Variants in ZNF577 observed in about 807,000 individuals in gnomAD.
The protein encoded by ZNF577 is zinc finger protein 577.
Under a neutral mutation model 13.9 loss-of-function variants are expected in ZNF577, and 14 were observed. The observed-to-expected ratio is 1.00, with a 90% CI of 0.66 to 1.57. The LOEUF is 1.57. ZNF577 is among the 40% of genes most tolerant of loss of function. The pLI, the probability that ZNF577 is intolerant of heterozygous loss-of-function variation, is 0.00. For synonymous variants in ZNF577, 203 were observed against 202.9 expected (o/e 1.00, Z 0.00); for missense variants, 555 against 579.2 (o/e 0.96, Z 0.43).
chr19:51,848,897 C>A (rs1003568881), intron 5 of ZNF577, among the ~76,000 whole-genome samples: 3 of 152,162 alleles, frequency 2.0e-5, no homozygotes, highest in African/African-American at 7.2e-5. Context: ...AATAATGCCT[C>A]TGTCTAGTTT....
chr19:51,848,843 A>C (rs371416858), intron 5 of ZNF577, among the ~76,000 whole-genome samples: 2 of 152,222 alleles, frequency 1.3e-5, no homozygotes, highest in East Asian at 1.9e-4. Flanking sequence ...GGAGTTGTAC[A>C]TCTAAGTTCA....
chr19:51,856,462 G>A (rs1262245161), intron 5 of ZNF577, among the ~76,000 whole-genome samples: 2 of 152,154 alleles, frequency 1.3e-5, no homozygotes. Flanking sequence ...AGAACATCAG[G>A]ATAATGCTAA....
intron 9 of ZNF577, chr19:51,839,839 T>C (rs890871648): frequency 3.9e-5 from 6 of 152,226 alleles, no homozygotes; most frequent in African/African-American, 1.4e-4. Flanking sequence ...CCTCCACAAG[T>C]ACCCCATGCT....
At chr19:51,815,130 G>A (rs2084125930) in intron 9 of ZNF577, among the ~76,000 whole-genome samples, 1 of 152,110 alleles carries the variant, frequency 6.6e-6, no homozygotes, top group Non-Finnish European at 1.5e-5. Flanking sequence ...TGTTAGTGAG[G>A]TTATTTAGGG....
chr19:51,882,192 G>A (rs889381648), intron 1 of ZNF577, among the ~76,000 whole-genome samples: 1 of 152,136 alleles, frequency 6.6e-6, no homozygotes, highest in Non-Finnish European at 1.5e-5. Flanking sequence ...GAATGGGTTG[G>A]AGCTGAGATC....
chr19:51,808,066 GTC>G (rs1568428460), intron 10 of ZNF577, among the ~76,000 whole-genome samples: 1 of 152,230 alleles, frequency 6.6e-6, no homozygotes, highest in Non-Finnish European at 1.5e-5. Flanking sequence ...CATGAGGCAT[GTC>G]TCTGCTGTAA....
intron 1 of ZNF577, among the ~76,000 whole-genome samples, chr19:51,884,042 C>T (rs974102702): frequency 2.0e-5 from 3 of 152,178 alleles, no homozygotes; most frequent in African/African-American, 7.2e-5. Context: ...CCACTGCAGT[C>T]CGGCCTCGGT....
intron 9 of ZNF577, among the ~76,000 whole-genome samples, chr19:51,831,092 T>C (rs13346095): frequency 0.42 from 64,373 of 151,946 alleles, 13,807 homozygotes; most frequent in South Asian, 0.58. Flanking sequence ...GTCCCAAATA[T>C]AAGTAATTAT....
chr19:51,854,496 A>ATTTTTTTT (rs780953746), intron 5 of ZNF577, among the ~76,000 whole-genome samples: 34 of 123,216 alleles, frequency 2.8e-4, no homozygotes, highest in African/African-American at 9.3e-4. Context: ...GCCCAGCTAA[A>ATTTTTTTT]TTTTTTTTTT....
At chr19:51,885,329 C>T (rs2122733398) in intron 1 of ZNF577, among the ~76,000 whole-genome samples, 1 of 152,356 alleles carries the variant, frequency 6.6e-6, no homozygotes, top group South Asian at 2.1e-4. Context: ...TGTCATCTGT[C>T]TGCACCTTTA....
intron 9 of ZNF577, among the ~76,000 whole-genome samples, chr19:51,830,025 T>C (rs1028799709): frequency 6.6e-6 from 1 of 152,180 alleles, no homozygotes; most frequent in Non-Finnish European, 1.5e-5. Flanking sequence ...TTTCTCCTGT[T>C]ATCTTCTAGG....
rs569694820 is a variant in ZNF577 at position 51,873,215 on chromosome 19, T to G, written c.775A>C (p.Arg259=). ...KAFSRKCRLN[R]HQRSHTGEKL... ...TCTCCAGTATGTGATCGCTGATGTC[T>G]ATTGAGCCGGCACTTCCGGCTGAAG... Residue 259 remains arginine, a synonymous_variant, in exon 6 of 6, where the codon AGA becomes CGA. Coordinates refer to ENST00000638348, the MANE Select transcript of ZNF577 (RefSeq NM_001370449.1). The G allele has an allele frequency of 6.2e-7, 1 of 1,614,126 alleles. No homozygotes were observed. Among genetic ancestry groups the G allele is most frequent in the South Asian group, 1.1e-5 (1 of 91,084 alleles).
At chr19:51,813,162 C>A (rs553449251) in intron 9 of ZNF577, among the ~76,000 whole-genome samples, 39 of 135,126 alleles carry the variant, frequency 2.9e-4, no homozygotes, top group South Asian at 2.9e-3. Context: ...ACACACACAC[C>A]CCATAAATTT....
At chr19:51,813,540 C>CT (rs1018282779) in intron 9 of ZNF577, among the ~76,000 whole-genome samples, 1 of 151,216 alleles carries the variant, frequency 6.6e-6, no homozygotes, top group African/African-American at 2.4e-5. Context: ...GGATGTTTTC[C>CT]TTTTTTTTGA....
chr19:51,840,405 G>A (rs2086774699), intron 8 of ZNF577: 1 of 152,378 alleles, frequency 6.6e-6, no homozygotes, highest in Admixed American at 6.5e-5. Flanking sequence ...GGAAGTGGGA[G>A]CAGGCAGAGG....
intron 5 of ZNF577, among the ~76,000 whole-genome samples, chr19:51,847,422 C>T (rs2084358450): frequency 6.6e-6 from 1 of 152,052 alleles, no homozygotes; most frequent in Non-Finnish European, 1.5e-5. Context: ...CAGACACCTA[C>T]TTTCAAGTGG....
Position 51,869,463 on chromosome 19 carries a change from T to C in ZNF577, c.*3069A>G, listed in dbSNP as rs897299322. On this transcript the variant is annotated 3_prime_UTR_variant, in exon 6 of 6. Coordinates refer to ENST00000638348, the MANE Select transcript of ZNF577 (RefSeq NM_001370449.1). ...TTCCTGCTGACCCTCTCCCCACCAT[T>C]ACCCTATAGTCCTGCCACATCCCCC... 2.0e-5 allele frequency among the ~76,000 whole-genome samples: 3 copies of C among 152,068 alleles called. No individual in the cohort carries two copies. Among genetic ancestry groups the C allele is most frequent in the African/African-American group, 7.2e-5 (3 of 41,406 alleles).
chr19:51,861,812 T>G (rs2084506010), intron 5 of ZNF577: 3 of 152,648 alleles, frequency 2.0e-5, no homozygotes, highest in Non-Finnish European at 4.4e-5. Flanking sequence ...ATATGGTTTC[T>G]CTCCTGTATG....
chr19:51,824,546 C>T lies in ZNF577; in HGVS notation c.*600-12872G>A. 6.2e-7 allele frequency: 1 copy of T among 1,614,138 alleles called. No individual in the cohort carries two copies. Among genetic ancestry groups the T allele is most frequent in the Non-Finnish European group, 8.5e-7 (1 of 1,179,972 alleles). On this transcript the variant is annotated intron_variant and NMD_transcript_variant, in intron 9 of 10. Transcript: ENST00000638827. The surrounding 1 kb of genome is among the most constrained non-coding windows in gnomAD (Gnocchi z 4.7). ...AACTAATTGGCATTCTAATGGCAGTCTGGCTCAAAGAGATGTTGTTAAATG... is the reference window on the plus strand; with the variant it reads ...AACTAATTGGCATTCTAATGGCAGTTTGGCTCAAAGAGATGTTGTTAAATG...
Sources: gnomAD v4.1 joint callset for allele counts (sites outside exome capture counted in the v4.1 genomes callset) on GRCh38, gnomAD v4.1.1 for gene constraint, Gnocchi (gnomAD v3.1) non-coding constraint, MANE v1.5 for transcripts, NCBI Gene and HGNC (gene_info 2026-07-23, HGNC 2026-07-21) for gene names.